Variants in SLC7A7 observed in about 807,000 individuals in gnomAD.
SLC7A7 encodes the protein Y+L amino acid transporter 1.
Under a neutral mutation model 47.9 loss-of-function variants are expected in SLC7A7, and 39 were observed. That is an observed-to-expected ratio of 0.81 (90% CI 0.63 to 1.06). The LOEUF is 1.06. Ranked by LOEUF, SLC7A7 falls within the 50% of genes least tolerant of loss-of-function variation. The probability of loss-of-function intolerance (pLI) is 0.00; values close to 1 mark genes in which losing one functional copy is unlikely to be tolerated. For synonymous variants in SLC7A7, 234 were observed against 242.8 expected (o/e 0.96, Z 0.34); for missense variants, 588 against 632.0 (o/e 0.93, Z 0.75).
rs1277218486 is a variant in SLC7A7, at chr14:22,775,920, A to G, written c.911T>C (p.Ile304Thr). Residue 304 changes from isoleucine to threonine, a missense_variant, in exon 6 of 10, where the codon ATA (isoleucine) becomes ACA (threonine). Ile to Thr is a moderately conservative substitution (Grantham distance 89). Coordinates refer to ENST00000674313, the MANE Select transcript of SLC7A7 (RefSeq NM_003982.4). ...DAVAVTFADQ[I>T]FGIFNWIIPL... Reference sequence around the variant, plus strand: ...AATTATCCAGTTAAATATTCCAAATATCTGATCTGCAAAAGTCTAAGGGAA... The same window carrying G: ...AATTATCCAGTTAAATATTCCAAATGTCTGATCTGCAAAAGTCTAAGGGAA... The G allele has an allele frequency of 6.2e-7, 1 of 1,613,770 alleles. No homozygotes were observed. The highest frequency in any genetic ancestry group is 1.1e-5 in the South Asian group (1 of 91,082).
chr14:22,798,917 C>T (rs755530545), intron 2 of SLC7A7, among the ~76,000 whole-genome samples: 4 of 152,180 alleles, frequency 2.6e-5, no homozygotes, highest in Non-Finnish European at 4.4e-5. Flanking sequence ...CAATTAACTA[C>T]ACTGCATTAG....
chr14:22,791,831 C>G (rs1566451287), intron 2 of SLC7A7, among the ~76,000 whole-genome samples: 1 of 53,478 alleles, frequency 1.9e-5, no homozygotes, highest in African/African-American at 4.8e-5. Flanking sequence ...ATCTCTACAC[C>G]TTTTTTTTTT....
chr14:22,808,826 T>C (rs1313941898), intron 2 of SLC7A7, among the ~76,000 whole-genome samples: 1 of 152,192 alleles, frequency 6.6e-6, no homozygotes, highest in African/African-American at 2.4e-5. Context: ...TTCATTTATC[T>C]AACCATAACT....
Position 22,773,626 on chromosome 14 carries a change from T to C in SLC7A7, c.1520A>G (p.Asp507Gly), listed in dbSNP as rs1055499594. ...AGATGGTGTTTAGTTAGATTTGGGATCCCGTTGCTTGGGCATCTCTCCTCC... is the reference window on the plus strand; with the variant it reads ...AGATGGTGTTTAGTTAGATTTGGGACCCCGTTGCTTGGGCATCTCTCCTCC... Reference protein sequence around the residue: ...EDGGEMPKQRDPKSN With the variant: ...EDGGEMPKQRGPKSN The change falls in exon 10 of 10, where the codon GAT becomes GGT. Residue 507 changes from aspartate (D) to glycine (G), a missense_variant. Coordinates refer to ENST00000674313, the MANE Select transcript of SLC7A7 (RefSeq NM_003982.4). 2 of 1,614,038 alleles carry C rather than the reference T, an allele frequency of 1.2e-6. No homozygotes were observed. Among genetic ancestry groups the C allele is most frequent in the Middle Eastern group, 3.3e-4 (2 of 6,062 alleles).
upstream of SLC7A7, among the ~76,000 whole-genome samples, chr14:22,818,747 C>A (rs1184863083): frequency 6.6e-6 from 1 of 152,006 alleles, no homozygotes; most frequent in African/African-American, 2.4e-5. Flanking sequence ...GTGCCCGCCA[C>A]CGCGCCCAGC....
intron 2 of SLC7A7, among the ~76,000 whole-genome samples, chr14:22,798,763 G>T (rs988465180): frequency 2.0e-5 from 3 of 152,210 alleles, no homozygotes; most frequent in Admixed American, 6.5e-5. Flanking sequence ...CCCTGCAAAA[G>T]TTTTCCTTTG....
At chr14:22,781,053 T>C (rs1294343099) in intron 2 of SLC7A7, among the ~76,000 whole-genome samples, 1 of 152,156 alleles carries the variant, frequency 6.6e-6, no homozygotes, top group Non-Finnish European at 1.5e-5. Context: ...ACTGGTAGCA[T>C]AGCGAATCGC....
intron 4 of SLC7A7, among the ~76,000 whole-genome samples, chr14:22,778,008 G>A (rs1327070429): frequency 6.6e-6 from 1 of 152,162 alleles, no homozygotes; most frequent in Non-Finnish European, 1.5e-5. Context: ...CTGGGAGGCA[G>A]AGGTTGCAAT....
chr14:22,807,492 G>A (rs939008530), intron 2 of SLC7A7, among the ~76,000 whole-genome samples: 2 of 152,142 alleles, frequency 1.3e-5, no homozygotes, highest in African/African-American at 4.8e-5. Context: ...CTTGAGGCCA[G>A]GAGTTGGAGG....
chr14:22,806,101 A>G (rs975060842), intron 2 of SLC7A7, among the ~76,000 whole-genome samples: 1 of 127,076 alleles, frequency 7.9e-6, no homozygotes, highest in Non-Finnish European at 1.6e-5. Context: ...GCCTACTGAC[A>G]TAGCGAGACT....
chr14:22,773,882 C>CA (rs2038532100), intron 9 of SLC7A7, 51 bp downstream of exon 9: 16 of 1,610,884 alleles, frequency 9.9e-6, no homozygotes, highest in Non-Finnish European at 1.3e-5. Context: ...CAGAAAAAGG[C>CA]AAAAACCAAG....
At chr14:22,812,802 GA>G in intron 2 of SLC7A7, 97 bp downstream of exon 2, 1 of 916,552 alleles carries the variant, frequency 1.1e-6, no homozygotes, top group Non-Finnish European at 1.5e-6. Flanking sequence ...TGTTGTCAGA[GA>G]CATTCCTCTC....
chr14:22,776,083 TAA>T, intron 5 of SLC7A7, 110 bp downstream of exon 5: 2 of 1,519,210 alleles, frequency 1.3e-6, no homozygotes, highest in Non-Finnish European at 1.8e-6. Flanking sequence ...CCCGGTATTC[TAA>T]ATGAACTCCT....
intron 2 of SLC7A7, among the ~76,000 whole-genome samples, chr14:22,793,052 G>C (rs1270308269): frequency 6.6e-6 from 1 of 151,434 alleles, no homozygotes; most frequent in African/African-American, 2.4e-5. Context: ...AAGTAGCTGA[G>C]ACTACAGGCG....
intron 2 of SLC7A7, among the ~76,000 whole-genome samples, chr14:22,794,048 T>G (rs920239535): frequency 1.3e-5 from 2 of 152,150 alleles, no homozygotes; most frequent in African/African-American, 4.8e-5. Context: ...ATTTCATCTC[T>G]AACTAATCAG....
At chr14:22,788,064 G>T (rs888590823) in intron 2 of SLC7A7, among the ~76,000 whole-genome samples, 1 of 151,284 alleles carries the variant, frequency 6.6e-6, no homozygotes, top group Admixed American at 6.6e-5. Context: ...CAGAGCGAGA[G>T]TTCGTCTCAA....
rs775265616 is a variant in SLC7A7 at position 22,776,179 on chromosome 14, A to G, written c.894+16T>C. The G allele has an allele frequency of 1.2e-6, 2 of 1,614,058 alleles. No individual in the cohort carries two copies. The highest frequency in any genetic ancestry group is 1.3e-5 in the African/African-American group (1 of 74,924). Reference sequence around the variant, plus strand: ...CACAAGACACCCTCAACCTTCTGCTAGTGAAAATCCTTTACCACAGCAACA... The same window carrying G: ...CACAAGACACCCTCAACCTTCTGCTGGTGAAAATCCTTTACCACAGCAACA... On this transcript the variant is annotated intron_variant, in intron 5 of 9. Transcript: ENST00000674313.
chr14:22,778,752 T>C, intron 4 of SLC7A7, 41 bp downstream of exon 4: 1 of 1,604,556 alleles, frequency 6.2e-7, no homozygotes, highest in South Asian at 1.1e-5. Context: ...CATTAAATGA[T>C]GGCTATCACT....
upstream of SLC7A7, among the ~76,000 whole-genome samples, chr14:22,818,524 C>G (rs1020775540): frequency 1.3e-5 from 2 of 151,862 alleles, no homozygotes; most frequent in African/African-American, 4.8e-5. Context: ...ATTCAGGCAG[C>G]CTGGGACCAG....
Sources: allele counts gnomAD v4.1 joint callset (sites outside exome capture counted in the v4.1 genomes callset), GRCh38; gene constraint gnomAD v4.1.1; transcripts MANE v1.5; gene names NCBI Gene and HGNC (gene_info 2026-07-23, HGNC 2026-07-21).